Variants in ZNF37A observed in about 807,000 individuals in gnomAD.
ZNF37A encodes the protein zinc finger protein 37A, also known as zinc finger protein 37a (KOX 21).
In ZNF37A, 10 loss-of-function variants were observed where a neutral mutation model predicts 12.3. The ratio of observed to expected loss-of-function variants is 0.82; its 90% confidence interval spans 0.50 to 1.38. The LOEUF is 1.38. ZNF37A is among the 40% of genes most tolerant of loss of function. The probability of loss-of-function intolerance (pLI) is 0.00; values close to 1 mark genes in which losing one functional copy is unlikely to be tolerated. For missense variants in ZNF37A, 580 were observed against 651.2 expected, an observed-to-expected ratio of 0.89 and a Z score of 1.19; for synonymous variants, 207 against 223.0, an observed-to-expected ratio of 0.93 and a Z score of 0.64.
chr10:38,129,304 T>TAAA (rs775705417), downstream of ZNF37A, among the ~76,000 whole-genome samples: 18 of 56,912 alleles, frequency 3.2e-4, 2 homozygotes, highest in Middle Eastern at 9.3e-3. Context: ...AGACTCTGTC[T>TAAA]AAAAAAAAAA....
intron 5 of ZNF37A, among the ~76,000 whole-genome samples, chr10:38,114,182 C>A (rs576062601): frequency 6.6e-6 from 1 of 152,324 alleles, no homozygotes; most frequent in East Asian, 1.9e-4. Flanking sequence ...CCTCTGCAAC[C>A]TTTACCTCAT....
intron 5 of ZNF37A, among the ~76,000 whole-genome samples, chr10:38,107,957 TA>T (rs751737655): frequency 8.8e-5 from 12 of 136,270 alleles, no homozygotes; most frequent in Non-Finnish European, 1.9e-4. Context: ...GACAGAAAAT[TA>T]ACAAGGATAT....
downstream of ZNF37A, among the ~76,000 whole-genome samples, chr10:38,128,561 T>C (rs2069961662): frequency 6.6e-6 from 1 of 152,222 alleles, no homozygotes; most frequent in African/African-American, 2.4e-5. Flanking sequence ...TTGAAAATTT[T>C]GGATCAGGAA....
chr10:38,114,495 A>G (rs2069080324), intron 5 of ZNF37A, among the ~76,000 whole-genome samples: 2 of 152,206 alleles, frequency 1.3e-5, no homozygotes, highest in Non-Finnish European at 2.9e-5. Flanking sequence ...TGGAATACTC[A>G]GAAACTAAGA....
chr10:38,140,292 A>G (rs531881846), intron 7 of ZNF37A: 1 of 152,270 alleles, frequency 6.6e-6, no homozygotes, highest in Non-Finnish European at 1.5e-5. Flanking sequence ...AGGTTTACAC[A>G]AACTGAGCTG....
At chr10:38,101,056 T>C (rs940877691) in intron 5 of ZNF37A, among the ~76,000 whole-genome samples, 12 of 152,202 alleles carry the variant, frequency 7.9e-5, no homozygotes, top group Non-Finnish European at 1.6e-4. Context: ...TTGTTTTGAG[T>C]TGTAGGGGTT....
chr10:38,123,286 C>G lies in ZNF37A; in HGVS notation c.*4449C>G, dbSNP rs1241464454. On this transcript the variant is annotated 3_prime_UTR_variant, in exon 8 of 8. Transcript: ENST00000685332. ...CTCATGTACCCCATAAACATATACA[C>G]CTACTTTGTACCCACAAAAATTTAA... is the stretch of plus-strand genomic sequence containing the variant. The G allele has an allele frequency of 2.0e-5, 3 of 151,972 alleles. No individual in the cohort carries two copies. The highest frequency in any genetic ancestry group is 4.4e-5 in the Non-Finnish European group (3 of 68,014). 9.4% of individuals were successfully genotyped at this position (151,972 alleles called of 1,614,324 possible). A position where few individuals can be genotyped will look rare whatever the true frequency, so the allele number is the denominator to read the frequency against.
downstream of ZNF37A, among the ~76,000 whole-genome samples, chr10:38,127,817 T>C (rs1490754660): frequency 6.6e-6 from 1 of 152,170 alleles, no homozygotes; most frequent in East Asian, 1.9e-4. Context: ...CTCAATATAA[T>C]GCATGCCACA....
exon 8 of ZNF37A, chr10:38,146,793 C>A (rs111667182): frequency 2.5e-6 from 1 of 398,324 alleles, no homozygotes; most frequent in South Asian, 1.3e-4. Flanking sequence ...CCAGCTCGGT[C>A]GTGGAGACTC....
chr10:38,127,733 G>GAGGTAAAT (rs2136072557), downstream of ZNF37A, among the ~76,000 whole-genome samples: 1 of 152,280 alleles, frequency 6.6e-6, no homozygotes, highest in Non-Finnish European at 1.5e-5. Context: ...CATTGACACA[G>GAGGTAAAT]AGGTAAATAC....
At chr10:38,127,797 G>A (rs1359324294), downstream of ZNF37A, among the ~76,000 whole-genome samples, 6 of 152,224 alleles carry the variant, frequency 3.9e-5, no homozygotes, top group Admixed American at 2.0e-4. Context: ...ATTTGCAGAA[G>A]TATAACAAAC....
At chr10:38,117,095 C>G in intron 7 of ZNF37A, 1 of 807,770 alleles carries the variant, frequency 1.2e-6, no homozygotes, top group Non-Finnish European at 1.5e-6. Context: ...GATGACAGAG[C>G]AAGACTCTGT....
intron 5 of ZNF37A, among the ~76,000 whole-genome samples, chr10:38,112,137 A>AAT (rs1349505270): frequency 7.8e-6 from 1 of 127,862 alleles, no homozygotes; most frequent in Non-Finnish European, 1.7e-5. Flanking sequence ...ACCACCAAAA[A>AAT]AAAAAAAACT....
chr10:38,097,558 T>A, intron 5 of ZNF37A, among the ~76,000 whole-genome samples: 1 of 116,702 alleles, frequency 8.6e-6, no homozygotes, highest in Admixed American at 1.3e-4. Flanking sequence ...CACTCCAGCC[T>A]GGGTGACAGA....
chr10:38,135,098 G>A (rs1307906278), intron 7 of ZNF37A, among the ~76,000 whole-genome samples: 1 of 152,164 alleles, frequency 6.6e-6, no homozygotes, highest in Non-Finnish European at 1.5e-5. Flanking sequence ...TACAAAAACT[G>A]TTTCTTGGCT....
chr10:38,115,817 G>A (rs2069228205), intron 7 of ZNF37A: 1 of 152,140 alleles, frequency 6.6e-6, no homozygotes, highest in African/African-American at 2.4e-5. Flanking sequence ...GGGAGGCTGA[G>A]GTGGGAGGAT....
At position 38,117,670 on chromosome 10, in the gene ZNF37A, C is replaced by T. The variant is rs1164423007; in HGVS notation, c.519C>T (p.Thr173=). 7.4e-6 allele frequency: 12 copies of T among 1,613,720 alleles called. No individual in the cohort carries two copies. Among genetic ancestry groups the T allele is most frequent in the Non-Finnish European group, 1.0e-5 (12 of 1,179,928 alleles). Residue 173 remains threonine (T), a synonymous_variant, in exon 8 of 8, where the codon ACC becomes ACT. Transcript: ENST00000685332. ...AGAGAGGTTACACAGGACAGAAAAC[C>T]TGCAAATATACTGAACATGGGAAAA... The part of the protein sequence containing the change: ...VHKRGYTGQK[T]CKYTEHGKTC...
rs202231058 is a variant in ZNF37A, at chr10:38,118,012, A to G, written c.861A>G (p.Thr287=). ...GKTFTQKSAH[T]RHQRTHTGGK... ...CCTTCACCCAGAAGTCAGCCCACAC[A>G]AGACATCAGAGAACACACACAGGGG... is the stretch of plus-strand genomic sequence containing the variant. The change falls in exon 8 of 8, where the codon ACA becomes ACG. Residue 287 remains threonine (T), a synonymous_variant. Transcript: ENST00000685332. 5.6e-6 allele frequency: 9 copies of G among 1,614,082 alleles called. No homozygotes were observed. The East Asian group carries it at 2.0e-4, about 36-fold the overall frequency.
chr10:38,105,295 G>T (rs117237085), intron 5 of ZNF37A, among the ~76,000 whole-genome samples: 1 of 152,038 alleles, frequency 6.6e-6, no homozygotes, highest in Non-Finnish European at 1.5e-5. Context: ...GTGAGCCACC[G>T]TGCCCAGCCT....
Sources: allele counts gnomAD v4.1 joint callset (sites outside exome capture counted in the v4.1 genomes callset), GRCh38; gene constraint gnomAD v4.1.1; transcripts MANE v1.5; gene names NCBI Gene and HGNC (gene_info 2026-07-23, HGNC 2026-07-21).